Variants in STIM1 observed in about 807,000 individuals in gnomAD.
The protein encoded by STIM1 is stromal interaction molecule 1.
In STIM1, 25 loss-of-function variants were observed where a neutral mutation model predicts 74.7. The ratio of observed to expected loss-of-function variants is 0.33; its 90% CI spans 0.24 to 0.47. STIM1 has a LOEUF of 0.47. STIM1 is among the 20% of genes least tolerant of loss of function. STIM1 has a pLI of 1.00. For synonymous variants in STIM1, 328 were observed against 348.8 expected (o/e 0.94, Z 0.66); for missense variants, 728 against 920.8 (o/e 0.79, Z 2.71).
At chr11:3,904,478 T>TA (rs1399388259) in intron 1 of STIM1, among the ~76,000 whole-genome samples, 1 of 152,160 alleles carries the variant, frequency 6.6e-6, no homozygotes, top group Non-Finnish European at 1.5e-5. Flanking sequence ...CCTTGTATTT[T>TA]ATGGTAAAGA....
chr11:4,057,377 C>G (rs1464091815), intron 4 of STIM1, among the ~76,000 whole-genome samples: 1 of 152,202 alleles, frequency 6.6e-6, no homozygotes, highest in African/African-American at 2.4e-5. Context: ...GGATGTCAAG[C>G]TGTGGCACCT....
chr11:4,064,090 G>C (rs578201119), intron 5 of STIM1, among the ~76,000 whole-genome samples: 1 of 152,176 alleles, frequency 6.6e-6, no homozygotes, highest in Non-Finnish European at 1.5e-5. Context: ...CTCATTCAAG[G>C]ATTCTGATAG....
intron 2 of STIM1, among the ~76,000 whole-genome samples, chr11:3,979,650 G>A (rs1316526235): frequency 2.0e-5 from 3 of 152,108 alleles, no homozygotes. Flanking sequence ...ATGTTGCCAA[G>A]TCTGGTATTG....
intron 2 of STIM1, among the ~76,000 whole-genome samples, chr11:4,003,096 A>G (rs1294696172): frequency 2.0e-5 from 3 of 147,532 alleles, no homozygotes; most frequent in African/African-American, 7.4e-5. Flanking sequence ...GCAATAATCA[A>G]TAGCTTACCA....
rs771259028 is a variant in STIM1, at chr11:3,856,250, T to C, written c.-21T>C. 1.2e-6 allele frequency: 2 copies of C among 1,613,960 alleles called. No individual in the cohort carries two copies. The highest frequency in any genetic ancestry group is 1.1e-5 in the South Asian group (1 of 91,090). ...TCCCGAGGTGTCCACATCAGACGCA[T>C]GTTGACTGAGACCTAGAGTCATGGA... On this transcript the variant is annotated 5_prime_UTR_variant, in exon 1 of 13. The change abolishes an upstream ATG in the 5' untranslated region. Transcript: ENST00000526596.
At position 3,856,268 on chromosome 11, in the gene STIM1, G is replaced by C; in HGVS notation, c.-3G>C. 1.2e-6 allele frequency: 2 copies of C among 1,614,112 alleles called. No homozygotes were observed. The highest frequency in any genetic ancestry group is 2.2e-5 in the South Asian group (2 of 91,092). On this transcript the variant is annotated 5_prime_UTR_variant, in exon 1 of 13. Transcript: ENST00000526596. ...AGACGCATGTTGACTGAGACCTAGA[G>C]TCATGGATGTATGCGTCCGTCTTGC...
chr11:3,884,781 CA>C (rs1554953053), intron 1 of STIM1, among the ~76,000 whole-genome samples: 1,178 of 116,016 alleles, frequency 0.01, 12 homozygotes, highest in African/African-American at 0.024. Context: ...GACCCCATCT[CA>C]AAAAAAAAAA....
intron 2 of STIM1, among the ~76,000 whole-genome samples, chr11:3,996,611 T>C (rs531817936): frequency 5.9e-5 from 9 of 152,284 alleles, no homozygotes; most frequent in African/African-American, 1.4e-4. Context: ...TTCTGTGTCA[T>C]TGAGTTGGGA....
intron 4 of STIM1, chr11:4,059,078 G>T (rs2094312001): frequency 2.5e-6 from 2 of 794,518 alleles, no homozygotes; most frequent in East Asian, 3.2e-5. Context: ...TATGGGGAGA[G>T]GGCTGAACAA....
intron 1 of STIM1, among the ~76,000 whole-genome samples, chr11:3,920,227 C>T (rs1054013452): frequency 5.9e-5 from 9 of 152,014 alleles, no homozygotes; most frequent in Non-Finnish European, 8.8e-5. Context: ...TCCTAAAGTG[C>T]TGTGATTACA....
At chr11:3,900,878 A>G (rs7120698) in intron 1 of STIM1, among the ~76,000 whole-genome samples, 41,426 of 151,910 alleles carry the variant, frequency 0.27, 7,396 homozygotes, top group African/African-American at 0.51. Flanking sequence ...GGCTGGCCCA[A>G]TGCATTGTTT....
At chr11:3,866,860 G>T (rs749399511) in intron 1 of STIM1, among the ~76,000 whole-genome samples, 2 of 152,032 alleles carry the variant, frequency 1.3e-5, no homozygotes, top group African/African-American at 2.4e-5. Flanking sequence ...AAGTAAAAAA[G>T]AAATTAAAAC....
At chr11:3,983,042 A>T (rs1008926548) in intron 2 of STIM1, among the ~76,000 whole-genome samples, 5 of 151,996 alleles carry the variant, frequency 3.3e-5, no homozygotes, top group African/African-American at 1.2e-4. Flanking sequence ...AGTGATTCTC[A>T]TGCCTCAGCC....
intron 2 of STIM1, among the ~76,000 whole-genome samples, chr11:4,012,520 CTGTT>C (rs553827151): frequency 1.0e-3 from 152 of 152,248 alleles, no homozygotes; most frequent in Non-Finnish European, 1.7e-3. Flanking sequence ...ATTTGGCTCT[CTGTT>C]TGTCTGTTCT....
intron 1 of STIM1, among the ~76,000 whole-genome samples, chr11:3,891,057 G>A (rs567404035): frequency 3.9e-5 from 6 of 152,320 alleles, no homozygotes; most frequent in African/African-American, 1.4e-4. Context: ...AATGCTAATT[G>A]TTATGATAAG....
chr11:4,070,809 T>C (rs2094398619), intron 6 of STIM1, among the ~76,000 whole-genome samples: 1 of 152,206 alleles, frequency 6.6e-6, no homozygotes, highest in African/African-American at 2.4e-5. Flanking sequence ...TTCAAAACTA[T>C]GGCAGAAGAT....
At chr11:3,887,309 T>C (rs1051316955) in intron 1 of STIM1, among the ~76,000 whole-genome samples, 5 of 152,200 alleles carry the variant, frequency 3.3e-5, no homozygotes, top group Non-Finnish European at 7.3e-5. Context: ...CAAATAAACC[T>C]TTAAGCATCT....
At chr11:3,856,441 G>A in intron 1 of STIM1, 32 bp downstream of exon 1, 1 of 1,609,412 alleles carries the variant, frequency 6.2e-7, no homozygotes, top group East Asian at 2.2e-5. Flanking sequence ...GACTGGGCTG[G>A]AGGCTTTGGC....
At chr11:3,868,510 C>T (rs922042111) in intron 1 of STIM1, among the ~76,000 whole-genome samples, 3 of 151,640 alleles carry the variant, frequency 2.0e-5, no homozygotes, top group South Asian at 2.1e-4. Flanking sequence ...GGTGGGGTGG[C>T]GGGGAAGAAA....
Sources: allele counts gnomAD v4.1 joint callset (sites outside exome capture counted in the v4.1 genomes callset), GRCh38; gene constraint gnomAD v4.1.1; transcripts MANE v1.5; gene names NCBI Gene and HGNC (gene_info 2026-07-23, HGNC 2026-07-21).